RASAL2: variants seen among roughly 807,000 people sequenced by gnomAD.
RASAL2 encodes ras GTPase-activating protein nGAP.
RASAL2 carries 58 observed loss-of-function variants against 128.9 expected under a neutral mutation model. The ratio of observed to expected loss-of-function variants is 0.45; its 90% CI spans 0.36 to 0.56. The LOEUF (loss-of-function observed/expected upper bound fraction) is 0.56. Among genes scored for constraint, RASAL2 ranks in the 20% least tolerant of loss-of-function variants. RASAL2 has a pLI of 0.00. For synonymous variants in RASAL2, 561 were observed against 580.8 expected (o/e 0.97, Z 0.49); for missense variants, 1,360 against 1,601.6 (o/e 0.85, Z 2.57).
intron 1 of RASAL2, among the ~76,000 whole-genome samples, chr1:178,126,054 C>T (rs1659888377): frequency 6.6e-6 from 1 of 152,172 alleles, no homozygotes; most frequent in Non-Finnish European, 1.5e-5. Context: ...GAACTTACTA[C>T]TTGTATAAAT....
chr1:178,417,746 T>G, intron 4 of RASAL2, among the ~76,000 whole-genome samples: 3 of 108,584 alleles, frequency 2.8e-5, no homozygotes, highest in East Asian at 2.5e-4. Flanking sequence ...GCAACAAGAG[T>G]GAAACTCCGT....
intron 1 of RASAL2, among the ~76,000 whole-genome samples, chr1:178,223,598 G>T (rs1206166740): frequency 6.6e-6 from 1 of 152,130 alleles, no homozygotes; most frequent in East Asian, 1.9e-4. Flanking sequence ...TTGTAAGTGG[G>T]AAACCATTGA....
At chr1:178,129,568 G>A (rs1258409028) in intron 1 of RASAL2, among the ~76,000 whole-genome samples, 2 of 152,056 alleles carry the variant, frequency 1.3e-5, no homozygotes, top group East Asian at 3.9e-4. Context: ...GTCTTTTGGA[G>A]TATAAAAGTT....
At chr1:178,189,434 C>T (rs1219179256) in intron 1 of RASAL2, among the ~76,000 whole-genome samples, 3 of 152,148 alleles carry the variant, frequency 2.0e-5, no homozygotes, top group Admixed American at 2.0e-4. Context: ...CATCCTGAGT[C>T]ATTGGTCTTA....
intron 3 of RASAL2, among the ~76,000 whole-genome samples, chr1:178,306,303 G>C (rs1667986925): frequency 6.6e-6 from 1 of 152,090 alleles, no homozygotes; most frequent in African/African-American, 2.4e-5. Flanking sequence ...ATCATTGTTG[G>C]ACATTTGGGT....
intron 1 of RASAL2, among the ~76,000 whole-genome samples, chr1:178,218,341 T>C (rs908473745): frequency 2.6e-5 from 4 of 152,182 alleles, no homozygotes; most frequent in African/African-American, 7.2e-5. Flanking sequence ...CAGTAATATT[T>C]TTAAAGGAAT....
chr1:178,142,717 C>T (rs1356245306), intron 1 of RASAL2, among the ~76,000 whole-genome samples: 1 of 152,142 alleles, frequency 6.6e-6, no homozygotes, highest in African/African-American at 2.4e-5. Context: ...GGGATACTCC[C>T]TGGGTTACTG....
chr1:178,209,158 C>T (rs532621293), intron 1 of RASAL2, among the ~76,000 whole-genome samples: 1 of 152,090 alleles, frequency 6.6e-6, no homozygotes, highest in East Asian at 1.9e-4. Context: ...TATCCCACCC[C>T]ACACATATTT....
At chr1:178,444,746 C>A (rs1676883756) in intron 8 of RASAL2, among the ~76,000 whole-genome samples, 1 of 152,048 alleles carries the variant, frequency 6.6e-6, no homozygotes, top group Admixed American at 6.6e-5. Flanking sequence ...ACAATGACTT[C>A]AAGTGATGAG....
At chr1:178,437,883 T>A (rs1676357912) in intron 5 of RASAL2, among the ~76,000 whole-genome samples, 1 of 152,092 alleles carries the variant, frequency 6.6e-6, no homozygotes, top group Admixed American at 6.6e-5. Context: ...TATATTTTTC[T>A]TTTTTGTTTT....
At chr1:178,133,803 T>C (rs762049086) in intron 1 of RASAL2, among the ~76,000 whole-genome samples, 3 of 152,182 alleles carry the variant, frequency 2.0e-5, no homozygotes, top group Non-Finnish European at 2.9e-5. Context: ...CTTACTGTAC[T>C]TAACATCTAA....
intron 17 of RASAL2, among the ~76,000 whole-genome samples, chr1:178,469,812 A>G (rs1412394289): frequency 6.6e-6 from 1 of 152,236 alleles, no homozygotes; most frequent in Admixed American, 6.5e-5. Flanking sequence ...TTGGTTAAAT[A>G]TAATAAATTA....
At position 178,474,238 on chromosome 1, in the gene RASAL2, A is replaced by AT. The variant is rs1413600077; in HGVS notation, c.*1000dup. On this transcript the variant is annotated 3_prime_UTR_variant, in exon 18 of 18. Transcript: ENST00000367649. ...TCTTCCATACAGAAAAGGGCTAACC[A>AT]TACCACAGCTGGAATCTCTGAATAT... is the stretch of plus-strand genomic sequence containing the variant. The AT allele has an allele frequency of 1.3e-5, 2 of 152,636 alleles. No individual in the cohort carries two copies. The highest frequency in any genetic ancestry group is 2.4e-5 in the African/African-American group (1 of 41,428). 9.5% of individuals were successfully genotyped at this position (152,636 alleles called of 1,614,324 possible). A position where few individuals can be genotyped will look rare whatever the true frequency, so the allele number is the denominator to read the frequency against.
chr1:178,424,685 C>T (rs573175409), intron 5 of RASAL2, among the ~76,000 whole-genome samples: 1 of 152,118 alleles, frequency 6.6e-6, no homozygotes, highest in Non-Finnish European at 1.5e-5. Context: ...TGGTCTCAAA[C>T]TCCTGGGCTC....
At chr1:178,421,931 T>C (rs755812514) in intron 5 of RASAL2, among the ~76,000 whole-genome samples, 6 of 152,068 alleles carry the variant, frequency 3.9e-5, no homozygotes, top group Non-Finnish European at 7.4e-5. Context: ...TTTCTTAGTT[T>C]CCTGTTATTC....
chr1:178,439,450 T>G lies in RASAL2; in HGVS notation c.703T>G (p.Ser235Ala), dbSNP rs147520510. 6 of 1,611,164 alleles carry G rather than the reference T, an allele frequency of 3.7e-6. No individual in the cohort carries two copies. The highest frequency in any genetic ancestry group is 5.1e-6 in the Non-Finnish European group (6 of 1,178,718). Residue 235 changes from serine to alanine, a missense_variant, in exon 6 of 18, where the codon TCA becomes GCA. Ser to Ala is a moderately conservative substitution (Grantham distance 99). This residue lies in a region of RASAL2 where 617 missense variants were observed against 714.2 expected (regional missense o/e 0.86). Transcript: ENST00000367649. The part of the protein sequence containing the change: ...RSRGLPKLKE[S>A]RSHESLLSPC... Reference sequence around the variant, plus strand: ...TCGTGGGCTGCCTAAACTAAAAGAGTCACGTTCCCATGAATCCTTGCTGAG... The same window carrying G: ...TCGTGGGCTGCCTAAACTAAAAGAGGCACGTTCCCATGAATCCTTGCTGAG...
At chr1:178,339,979 A>G (rs1669783020) in intron 3 of RASAL2, among the ~76,000 whole-genome samples, 1 of 152,162 alleles carries the variant, frequency 6.6e-6, no homozygotes, top group South Asian at 2.1e-4. Flanking sequence ...AAATAACATC[A>G]TCAGTCAGTT....
intron 3 of RASAL2, among the ~76,000 whole-genome samples, chr1:178,348,832 C>T (rs1215762325): frequency 1.2e-4 from 17 of 147,314 alleles, no homozygotes; most frequent in African/African-American, 2.0e-4. Context: ...GATGGAGTCT[C>T]GCTCTCGCCC....
chr1:178,361,548 C>A (rs1048765493), intron 3 of RASAL2, among the ~76,000 whole-genome samples: 1 of 151,852 alleles, frequency 6.6e-6, no homozygotes, highest in African/African-American at 2.4e-5. Context: ...TGGATTCAAC[C>A]AACCATGGAT....
Sources: gnomAD v4.1 joint callset for allele counts (sites outside exome capture counted in the v4.1 genomes callset) on GRCh38, gnomAD v4.1.1 for gene constraint, gnomAD v4.1.1 regional missense constraint, MANE v1.5 for transcripts, NCBI Gene and HGNC (gene_info 2026-07-23, HGNC 2026-07-21) for gene names.